Variants in RAD51B observed in about 807,000 individuals in gnomAD.
RAD51B encodes the protein DNA repair protein RAD51 homolog 2.
RAD51B carries 38 observed loss-of-function variants against 42.2 expected under a neutral mutation model. The ratio of observed to expected loss-of-function variants is 0.90; its 90% CI spans 0.70 to 1.18. The LOEUF (loss-of-function observed/expected upper bound fraction) is 1.18, where lower values mean the gene tolerates loss of function less well. Among genes scored for constraint, RAD51B ranks in the 50% most tolerant of loss-of-function variants. The pLI, the probability that RAD51B is intolerant of heterozygous loss-of-function variation, is 0.00. For missense variants in RAD51B, 373 were observed against 400.7 expected, an observed-to-expected ratio of 0.93 and a Z score of 0.59; for synonymous variants, 154 against 145.2, an observed-to-expected ratio of 1.06 and a Z score of -0.43.
At chr14:68,102,668 T>G (rs777661992) in intron 7 of RAD51B, among the ~76,000 whole-genome samples, 1 of 152,174 alleles carries the variant, frequency 6.6e-6, no homozygotes, top group Non-Finnish European at 1.5e-5. Flanking sequence ...TCTAGGAAGT[T>G]CCAAAATATC....
chr14:68,582,480 G>T (rs970522401), intron 10 of RAD51B, among the ~76,000 whole-genome samples: 2 of 152,180 alleles, frequency 1.3e-5, no homozygotes, highest in African/African-American at 4.8e-5. Flanking sequence ...AGTAAGAATG[G>T]CGATCATTAA....
intron 10 of RAD51B, among the ~76,000 whole-genome samples, chr14:68,510,149 C>T (rs990566764): frequency 6.6e-6 from 1 of 152,154 alleles, no homozygotes; most frequent in African/African-American, 2.4e-5. Flanking sequence ...ATCTGTCTCC[C>T]CTACTGCCAC....
intron 7 of RAD51B, among the ~76,000 whole-genome samples, chr14:68,013,208 A>G (rs1353231852): frequency 6.6e-6 from 1 of 152,190 alleles, no homozygotes; most frequent in Non-Finnish European, 1.5e-5. Context: ...GATGTCTCCA[A>G]ATGAACTAGT....
intron 3 of RAD51B, among the ~76,000 whole-genome samples, chr14:67,831,484 CTTT>C (rs1056259246): frequency 2.5e-4 from 38 of 152,182 alleles, no homozygotes; most frequent in African/African-American, 8.7e-4. Context: ...CAAAACTCTT[CTTT>C]GTCTCATTTA....
chr14:68,064,386 T>C (rs1278069235), intron 7 of RAD51B, among the ~76,000 whole-genome samples: 1 of 152,194 alleles, frequency 6.6e-6, no homozygotes, highest in Non-Finnish European at 1.5e-5. Flanking sequence ...ATTCTTTCTT[T>C]GTCTTTGACT....
intron 10 of RAD51B, among the ~76,000 whole-genome samples, chr14:68,636,849 C>T (rs1202692227): frequency 2.0e-5 from 3 of 152,144 alleles, no homozygotes; most frequent in Non-Finnish European, 4.4e-5. Flanking sequence ...GGACGGCGGC[C>T]CCAAGCAAGC....
chr14:68,444,887 A>C (rs1047108868), intron 9 of RAD51B, among the ~76,000 whole-genome samples: 4 of 152,226 alleles, frequency 2.6e-5, no homozygotes, highest in Non-Finnish European at 4.4e-5. Context: ...TGAAATGCCA[A>C]GGCTAAATGA....
At chr14:67,917,084 T>C (rs1188633121) in intron 7 of RAD51B, among the ~76,000 whole-genome samples, 1 of 152,192 alleles carries the variant, frequency 6.6e-6, no homozygotes, top group Admixed American at 6.5e-5. Context: ...AGGCTTGCTC[T>C]GGTATTGCTG....
At chr14:68,500,809 C>G (rs1884864592) in intron 10 of RAD51B, among the ~76,000 whole-genome samples, 1 of 152,208 alleles carries the variant, frequency 6.6e-6, no homozygotes, top group African/African-American at 2.4e-5. Context: ...CAGTCCACTG[C>G]TGAGCTTTCC....
chr14:68,537,532 A>T (rs1414320994), intron 10 of RAD51B, among the ~76,000 whole-genome samples: 2 of 151,864 alleles, frequency 1.3e-5, no homozygotes, highest in Non-Finnish European at 2.9e-5. Flanking sequence ...TCACTGAAAC[A>T]GATTTTATTT....
intron 7 of RAD51B, among the ~76,000 whole-genome samples, chr14:68,206,487 T>C (rs2079588024): frequency 6.6e-6 from 1 of 152,208 alleles, no homozygotes; most frequent in Non-Finnish European, 1.5e-5. Context: ...CATTCGCCTG[T>C]CAACAGTAGA....
chr14:68,025,221 T>C (rs1451043805), intron 7 of RAD51B, among the ~76,000 whole-genome samples: 1 of 152,190 alleles, frequency 6.6e-6, no homozygotes. Context: ...ATTAAATTTT[T>C]GATATGCTGC....
chr14:68,336,600 A>G (rs1456169635), intron 8 of RAD51B, among the ~76,000 whole-genome samples: 3 of 152,246 alleles, frequency 2.0e-5, no homozygotes, highest in African/African-American at 4.8e-5. Context: ...TAAACAAATT[A>G]CACTCCAAAT....
At chr14:68,106,995 AT>A (rs2077385979) in intron 7 of RAD51B, among the ~76,000 whole-genome samples, 1 of 151,878 alleles carries the variant, frequency 6.6e-6, no homozygotes, top group South Asian at 2.1e-4. Flanking sequence ...AGTTTTCAGC[AT>A]TTTATAGCCT....
chr14:67,955,449 T>A (rs918970214), intron 7 of RAD51B, among the ~76,000 whole-genome samples: 3 of 152,220 alleles, frequency 2.0e-5, no homozygotes, highest in African/African-American at 7.2e-5. Flanking sequence ...CAAGCATATC[T>A]TTTCTGTCAA....
At chr14:68,611,655 C>T, downstream of RAD51B, 1 of 295,342 alleles carries the variant, frequency 3.4e-6, no homozygotes, top group East Asian at 5.2e-5. Flanking sequence ...TGAGTGTGCA[C>T]ACTGTGCAGT....
chr14:68,225,759 C>A (rs113866267), intron 7 of RAD51B, among the ~76,000 whole-genome samples: 2 of 152,274 alleles, frequency 1.3e-5, no homozygotes, highest in Admixed American at 6.5e-5. Flanking sequence ...TCTTTATGTA[C>A]ATAGAGAAGC....
chr14:68,319,384 G>A (rs1205964964), intron 8 of RAD51B, among the ~76,000 whole-genome samples: 1 of 151,978 alleles, frequency 6.6e-6, no homozygotes, highest in Non-Finnish European at 1.5e-5. Flanking sequence ...ATTTCTTTTT[G>A]CCAAATCTGC....
intron 5 of RAD51B, among the ~76,000 whole-genome samples, chr14:67,871,638 A>G (rs1240456478): frequency 2.6e-5 from 4 of 152,154 alleles, no homozygotes; most frequent in African/African-American, 9.7e-5. Context: ...CAACCAAAAA[A>G]GAGAATTTTA....
Sources: gnomAD v4.1 joint callset for allele counts (sites outside exome capture counted in the v4.1 genomes callset) on GRCh38, gnomAD v4.1.1 for gene constraint, MANE v1.5 for transcripts, NCBI Gene and HGNC (gene_info 2026-07-23, HGNC 2026-07-21) for gene names.